The following ITPRID2 variants were observed in gnomAD, a reference collection of about 807,000 sequenced individuals.
ITPRID2 encodes ITPR interacting domain containing 2, also known as protein ITPRID2.
In ITPRID2, 60 loss-of-function variants were observed where a neutral mutation model predicts 124.3. The observed-to-expected ratio is 0.48, with a 90% CI of 0.39 to 0.60. The LOEUF (loss-of-function observed/expected upper bound fraction) is 0.60, where lower values mean the gene tolerates loss of function less well. ITPRID2 is among the 20% of genes least tolerant of loss of function. ITPRID2 has a pLI of 0.00. For missense variants in ITPRID2, 1,553 were observed against 1,512.2 expected, an observed-to-expected ratio of 1.03 and a Z score of -0.45; for synonymous variants, 521 against 542.9, an observed-to-expected ratio of 0.96 and a Z score of 0.56.
intron 2 of ITPRID2, among the ~76,000 whole-genome samples, chr2:181,895,380 A>C (rs1429721133): frequency 6.6e-6 from 1 of 152,094 alleles, no homozygotes; most frequent in African/African-American, 2.4e-5. Context: ...GGCTAATCTT[A>C]ATGTTGATTC....
In ITPRID2 at chr2:181,892,259, C is replaced by T. The variant is rs765877395; in HGVS notation, c.193C>T (p.Pro65Ser). ...GGAGGACCTCCCCGGCGCGCAGCTG[C>T]CGGCAGCGGGGGGAAGAGGTCGGTG... Reference protein sequence around the residue: ...EEEDLPGAQLPAAGGRGNVPN... With the variant: ...EEEDLPGAQLSAAGGRGNVPN... The change falls in exon 1 of 18, where the codon CCG (proline) becomes TCG (serine). Residue 65 changes from proline (P) to serine (S), a missense_variant. Pro to Ser is a moderately conservative substitution (Grantham distance 74). Transcript: ENST00000431877. This position sits in a 1 kb window ranked among gnomAD's most constrained non-coding sequence, Gnocchi z 5.2. 5.2e-6 allele frequency: 8 copies of T among 1,548,436 alleles called. No individual in the cohort carries two copies. The highest frequency in any genetic ancestry group is 7.0e-6 in the Non-Finnish European group (8 of 1,145,982).
Position 181,929,743 on chromosome 2 carries a change from ATTTCTTTTCTAAAC to A in ITPRID2, c.*198_*211del. The A allele has an allele frequency of 1.2e-6, 1 of 842,088 alleles. No homozygotes were observed. The highest frequency in any genetic ancestry group is 1.8e-6 in the Non-Finnish European group (1 of 567,914). 52.2% of individuals were successfully genotyped at this position (842,088 alleles called of 1,614,324 possible). A position where few individuals can be genotyped will look rare whatever the true frequency, so the allele number is the denominator to read the frequency against. On this transcript the variant is annotated 3_prime_UTR_variant, in exon 18 of 18. Transcript: ENST00000431877. ...TACATAGAAACTTAGGCACTTTGCTATTTCTTTTCTAAACTATCAAAAACTCTAGCAGTTTGAAA... is the reference window on the plus strand; with the variant it reads ...TACATAGAAACTTAGGCACTTTGCTATATCAAAAACTCTAGCAGTTTGAAA...
At position 181,921,185 on chromosome 2, in the gene ITPRID2, A is replaced by G. The variant is rs181851716; in HGVS notation, c.3210+523A>G. 4.8e-3 allele frequency among the ~76,000 whole-genome samples: 727 copies of G among 151,986 alleles called. 4 individuals carry two copies. The highest frequency in any genetic ancestry group is 0.011 in the South Asian group (51 of 4,820). Reference sequence around the variant, plus strand: ...GGTGACAGAGCAAGACCCTGTCTTTAAAAAATAATAAGCCAGGTGTGGTGG... The same window carrying G: ...GGTGACAGAGCAAGACCCTGTCTTTGAAAAATAATAAGCCAGGTGTGGTGG... On this transcript the variant is annotated intron_variant, in intron 15 of 17. Transcript: ENST00000431877.
intron 16 of ITPRID2, among the ~76,000 whole-genome samples, chr2:181,925,584 G>C (rs1205115153): frequency 6.6e-6 from 1 of 151,974 alleles, no homozygotes; most frequent in Non-Finnish European, 1.5e-5. Flanking sequence ...TCTCACCCTT[G>C]TGCTTTCTCA....
chr2:181,928,127 G>T, intron 16 of ITPRID2, 34 bp from the exon 17 acceptor site: 2 of 1,371,056 alleles, frequency 1.5e-6, no homozygotes, highest in South Asian at 1.3e-5. Flanking sequence ...CATTCATATT[G>T]GTAAATTTTT....
chr2:181,918,593 T>A lies in ITPRID2; in HGVS notation c.2788-5T>A. On this transcript the variant is annotated splice_polypyrimidine_tract_variant and splice_region_variant and intron_variant, in intron 11 of 17. Transcript: ENST00000431877. ...GGTTTTAATCCTACTTTTACTTTTT[T>A]GAAGTACCCTATGATGAGAGGACCT... 3.7e-6 allele frequency: 6 copies of A among 1,613,534 alleles called. No individual in the cohort carries two copies. The highest frequency in any genetic ancestry group is 4.2e-6 in the Non-Finnish European group (5 of 1,179,768).
In ITPRID2 at chr2:181,919,996, CAT is replaced by C. The variant is rs1694367725; in HGVS notation, c.3144+551_3144+552del. Among the ~76,000 whole-genome samples, 2 of 151,830 alleles carry C rather than the reference CAT, an allele frequency of 1.3e-5. No individual in the cohort carries two copies. Among genetic ancestry groups the C allele is most frequent in the Non-Finnish European group, 2.9e-5 (2 of 67,944 alleles). Reference sequence around the variant, plus strand: ...ATATATCCAAGAGAATAAAAAGAAACATGTTTTTGTACCACTTTTCATACTTC... The same window carrying C: ...ATATATCCAAGAGAATAAAAAGAAACGTTTTTGTACCACTTTTCATACTTC... On this transcript the variant is annotated intron_variant, in intron 14 of 17. Transcript: ENST00000431877. This position sits in a 1 kb window ranked among gnomAD's most constrained non-coding sequence, Gnocchi z 4.2.
At chr2:181,893,875 A>G (rs1691966118) in intron 2 of ITPRID2, 1 of 152,228 alleles carries the variant, frequency 6.6e-6, no homozygotes, top group African/African-American at 2.4e-5. Flanking sequence ...TCTATAATGT[A>G]AAAGCTTGAA....
At position 181,913,861 on chromosome 2, in the gene ITPRID2, T is replaced by A; in HGVS notation, c.1503T>A (p.Thr501=). The change falls in exon 10 of 18, where the codon ACT becomes ACA. Residue 501 remains threonine, a synonymous_variant. Coordinates refer to ENST00000431877, the MANE Select transcript of ITPRID2 (RefSeq NM_001130445.3). ...TKSKRDHLLR[T]ASQHSDSSGF... is the part of the protein sequence containing the mutation. ...TATTCATAGATCATCTGTTACGTAC[T>A]GCAAGTCAGCATTCCGATAGCAGTG... is the stretch of plus-strand genomic sequence containing the variant. 1 of 1,613,186 alleles carries A rather than the reference T, an allele frequency of 6.2e-7. No homozygotes were observed. The highest frequency in any genetic ancestry group is 1.1e-5 in the South Asian group (1 of 90,990).
At chr2:181,904,686 T>G (rs558989830) in intron 8 of ITPRID2, among the ~76,000 whole-genome samples, 3 of 152,180 alleles carry the variant, frequency 2.0e-5, no homozygotes, top group African/African-American at 7.2e-5. Context: ...GTGAAAACCA[T>G]GAGTAAATAT....
chr2:181,912,189 A>G (rs1693659973), intron 9 of ITPRID2, among the ~76,000 whole-genome samples: 1 of 152,248 alleles, frequency 6.6e-6, no homozygotes, highest in South Asian at 2.1e-4. Context: ...TGAGGTCAGC[A>G]AACATTTATT....
In ITPRID2 at chr2:181,892,072, C is replaced by CGT; in HGVS notation, c.6_7insGT (p.Arg3ValfsTer105). On this transcript the variant is annotated frameshift_variant, in exon 1 of 18. Coordinates refer to ENST00000431877, the MANE Select transcript of ITPRID2 (RefSeq NM_001130445.3). LOFTEE classifies it high-confidence loss of function. The surrounding 1 kb of genome is among the most constrained non-coding windows in gnomAD (Gnocchi z 5.2). ...GCGGAGCCCCCAGTGCGGCCATGGA[C>CGT]CGGCCCCTGTCGTCGTCGGCGGAGG... The CGT allele has an allele frequency of 6.4e-7, 1 of 1,551,062 alleles. No individual in the cohort carries two copies. The highest frequency in any genetic ancestry group is 8.7e-7 in the Non-Finnish European group (1 of 1,148,182).
At chr2:181,926,870 G>C (rs1694908845) in intron 16 of ITPRID2, among the ~76,000 whole-genome samples, 1 of 152,136 alleles carries the variant, frequency 6.6e-6, no homozygotes, top group African/African-American at 2.4e-5. Flanking sequence ...TCCTAATTCA[G>C]TATGTTGTAT....
At position 181,905,611 on chromosome 2, in the gene ITPRID2, CTG is replaced by C. The variant is rs1693050428; in HGVS notation, c.1413+3150_1413+3151del. ...TCTCAGCATTTCTGTAAGAAGTTGACTGTGTGGTCTTCTTGACCTTTAAATGA... is the reference window on the plus strand; with the variant it reads ...TCTCAGCATTTCTGTAAGAAGTTGACTGTGGTCTTCTTGACCTTTAAATGA... On this transcript the variant is annotated intron_variant, in intron 8 of 17. Transcript: ENST00000431877. This position sits in a 1 kb window ranked among gnomAD's most constrained non-coding sequence, Gnocchi z 4.1. 6.6e-6 allele frequency among the ~76,000 whole-genome samples: 1 copy of C among 152,178 alleles called. No homozygotes were observed. The highest frequency in any genetic ancestry group is 1.5e-5 in the Non-Finnish European group (1 of 68,022).
chr2:181,907,461 T>A lies in ITPRID2; in HGVS notation c.1414-2438T>A, dbSNP rs909615455. Among the ~76,000 whole-genome samples, 2 of 142,084 alleles carry A rather than the reference T, an allele frequency of 1.4e-5. No individual in the cohort carries two copies. Among genetic ancestry groups the A allele is most frequent in the Admixed American group, 1.4e-4 (2 of 14,234 alleles). The allele number at this position is 142,084 out of a possible 152,430, so 93.2% of individuals were successfully genotyped here. On this transcript the variant is annotated intron_variant, in intron 8 of 17. Coordinates refer to ENST00000431877, the MANE Select transcript of ITPRID2 (RefSeq NM_001130445.3). This position sits in a 1 kb window ranked among gnomAD's most constrained non-coding sequence, Gnocchi z 5.1. ...TGGTTTAGTGGTTTTTTTTTTTTTT[T>A]ATATTATGAAACAGTTTTGTTATGA...
In ITPRID2 at chr2:181,892,124, G is replaced by T; in HGVS notation, c.58G>T (p.Ala20Ser). 1.9e-6 allele frequency: 3 copies of T among 1,558,704 alleles called. No individual in the cohort carries two copies. Among genetic ancestry groups the T allele is most frequent in the Non-Finnish European group, 2.6e-6 (3 of 1,151,960 alleles). Residue 20 changes from alanine to serine, a missense_variant, in exon 1 of 18, where the codon GCG becomes TCG. Coordinates refer to ENST00000431877, the MANE Select transcript of ITPRID2 (RefSeq NM_001130445.3). The surrounding 1 kb of genome is among the most constrained non-coding windows in gnomAD (Gnocchi z 5.2). Reference protein sequence around the residue: ...EAEEELEWQVASRRRKAWAKC... With the variant: ...EAEEELEWQVSSRRRKAWAKC... ...GGAGGAGGAACTGGAGTGGCAAGTGGCGAGTCGCAGGAGGAAGGCCTGGGC... is the reference window on the plus strand; with the variant it reads ...GGAGGAGGAACTGGAGTGGCAAGTGTCGAGTCGCAGGAGGAAGGCCTGGGC...
At position 181,919,870 on chromosome 2, in the gene ITPRID2, T is replaced by A. The variant is rs1051999054; in HGVS notation, c.3144+424T>A. Among the ~76,000 whole-genome samples, 1 of 152,120 alleles carries A rather than the reference T, an allele frequency of 6.6e-6. No homozygotes were observed. Among genetic ancestry groups the A allele is most frequent in the Non-Finnish European group, 1.5e-5 (1 of 67,994 alleles). On this transcript the variant is annotated intron_variant, in intron 14 of 17. Coordinates refer to ENST00000431877, the MANE Select transcript of ITPRID2 (RefSeq NM_001130445.3). This position sits in a 1 kb window ranked among gnomAD's most constrained non-coding sequence, Gnocchi z 4.2. ...TTTTAAACTTTTTCTTTATTTTGGATTCTTTTCCATTTGTTTTTAAAGGAA... is the reference window on the plus strand; with the variant it reads ...TTTTAAACTTTTTCTTTATTTTGGAATCTTTTCCATTTGTTTTTAAAGGAA...
chr2:181,892,912 T>C lies in ITPRID2; in HGVS notation c.257+252T>C, dbSNP rs1393771233. On this transcript the variant is annotated intron_variant, in intron 2 of 17. Coordinates refer to ENST00000431877, the MANE Select transcript of ITPRID2 (RefSeq NM_001130445.3). This position sits in a 1 kb window ranked among gnomAD's most constrained non-coding sequence, Gnocchi z 5.2. ...TCACGCATCGTGTTAGCATCAGAGA[T>C]CAGAAATCCAGAACAGATAATCATG... 1.0e-5 allele frequency: 6 copies of C among 576,970 alleles called. No homozygotes were observed. The highest frequency in any genetic ancestry group is 1.9e-5 in the Non-Finnish European group (6 of 321,728). 35.7% of individuals were successfully genotyped at this position (576,970 alleles called of 1,614,324 possible). A position where few individuals can be genotyped will look rare whatever the true frequency, so the allele number is the denominator to read the frequency against.
At chr2:181,895,951 C>CT in intron 2 of ITPRID2, 79 bp from the exon 3 acceptor site, 1 of 1,217,792 alleles carries the variant, frequency 8.2e-7, no homozygotes, top group Non-Finnish European at 1.2e-6. Flanking sequence ...AGCTGTAACT[C>CT]TTTAAGTAAG....
Sources: gnomAD v4.1 joint callset for allele counts (sites outside exome capture counted in the v4.1 genomes callset) on GRCh38, gnomAD v4.1.1 for gene constraint, Gnocchi (gnomAD v3.1) non-coding constraint, MANE v1.5 for transcripts, NCBI Gene and HGNC (gene_info 2026-07-23, HGNC 2026-07-21) for gene names.